Variants in ANKRD11 observed in about 807,000 individuals in gnomAD.
ANKRD11 encodes ankyrin repeat domain-containing protein 11.
Under a neutral mutation model 195.7 loss-of-function variants are expected in ANKRD11, and 17 were observed. The observed-to-expected ratio is 0.09, with a 90% CI of 0.06 to 0.13. The LOEUF (loss-of-function observed/expected upper bound fraction) is 0.13. Ranked by LOEUF, ANKRD11 falls within the 10% of genes least tolerant of loss-of-function variation. ANKRD11 has a pLI of 1.00. For missense variants in ANKRD11, 3,735 were observed against 3,566.1 expected (o/e 1.05, Z -1.21); for synonymous variants, 1,953 against 1,528.1 (o/e 1.28, Z -6.49).
At chr16:89,391,540 C>T (rs970797905) in intron 2 of ANKRD11, among the ~76,000 whole-genome samples, 4 of 152,206 alleles carry the variant, frequency 2.6e-5, no homozygotes, top group African/African-American at 7.2e-5. Context: ...TGTTGACTGT[C>T]GCTGTGGCAT....
chr16:89,468,343 G>A (rs1363424530), intron 1 of ANKRD11, among the ~76,000 whole-genome samples: 1 of 151,990 alleles, frequency 6.6e-6, no homozygotes, highest in Non-Finnish European at 1.5e-5. Context: ...TCATGAGGTC[G>A]GGGGGAAAGT....
At chr16:89,469,715 G>A (rs1157875739) in intron 1 of ANKRD11, among the ~76,000 whole-genome samples, 4 of 149,862 alleles carry the variant, frequency 2.7e-5, no homozygotes, top group South Asian at 2.2e-4. Context: ...TGGCTAACAC[G>A]GTGAAACCCC....
intron 2 of ANKRD11, among the ~76,000 whole-genome samples, chr16:89,343,280 A>AC (rs2038779779): frequency 6.6e-6 from 1 of 152,238 alleles, no homozygotes; most frequent in African/African-American, 2.4e-5. Flanking sequence ...GGTGTGAGCC[A>AC]CCGCACTGGG....
At chr16:89,440,490 C>G (rs1219834899) in intron 1 of ANKRD11, among the ~76,000 whole-genome samples, 1 of 152,082 alleles carries the variant, frequency 6.6e-6, no homozygotes, top group Non-Finnish European at 1.5e-5. Context: ...GAGGTGTGCA[C>G]CTGTAGTCCC....
intron 11 of ANKRD11, 32 bp downstream of exon 11, chr16:89,274,782 A>C (rs774916088): frequency 7.8e-5 from 126 of 1,605,150 alleles, no homozygotes; most frequent in Non-Finnish European, 1.0e-4. Flanking sequence ...AGGCACTTGG[A>C]CTCATGGGCC....
chr16:89,412,978 TGACA>T (rs1202380703), intron 2 of ANKRD11, among the ~76,000 whole-genome samples: 1 of 152,048 alleles, frequency 6.6e-6, no homozygotes, highest in Non-Finnish European at 1.5e-5. Flanking sequence ...GGAAAACAGC[TGACA>T]GCCAGAGCTC....
chr16:89,305,715 CACCTCCCACTCCGCAGACACGCGCCACCT>C (rs1567615338), intron 3 of ANKRD11, among the ~76,000 whole-genome samples: 7 of 20,054 alleles, frequency 3.5e-4, no homozygotes, highest in Non-Finnish European at 9.5e-5. Context: ...AGACACGCGC[CACCTCCCACTCCGCAGACACGCGCCACCT>C]ACCTCCCACT....
intron 4 of ANKRD11, among the ~76,000 whole-genome samples, chr16:89,296,681 A>C (rs1406727849): frequency 6.6e-6 from 1 of 152,212 alleles, no homozygotes; most frequent in Non-Finnish European, 1.5e-5. Flanking sequence ...CTCTCAGAAC[A>C]GCTTTCTTCC....
At chr16:89,310,936 G>A (rs1597581073) in intron 3 of ANKRD11, among the ~76,000 whole-genome samples, 2 of 152,162 alleles carry the variant, frequency 1.3e-5, no homozygotes, top group East Asian at 3.8e-4. Context: ...GATGCTGACT[G>A]CAGTGGAGAT....
At chr16:89,369,972 G>A (rs1478779790) in intron 2 of ANKRD11, among the ~76,000 whole-genome samples, 1 of 152,296 alleles carries the variant, frequency 6.6e-6, no homozygotes, top group South Asian at 2.1e-4. Flanking sequence ...CCAGCTGCAG[G>A]ATGGAAGCTC....
At position 89,390,865 on chromosome 16, in the gene ANKRD11, G is replaced by C. The variant is rs145709790; in HGVS notation, c.-60+27419C>G. On this transcript the variant is annotated intron_variant, in intron 2 of 12. Transcript: ENST00000301030. ...CCGCATCTGACTGTGCATATCCTTT[G>C]CAAAATCCTTTCCACGACACTGGTG... Among the ~76,000 whole-genome samples the C allele has an allele frequency of 5.2e-3, 785 of 152,280 alleles. 6 individuals are homozygous for C. The highest frequency in any genetic ancestry group is 0.018 in the African/African-American group (762 of 41,540).
chr16:89,466,039 C>T (rs2056871057), intron 1 of ANKRD11, among the ~76,000 whole-genome samples: 1 of 152,016 alleles, frequency 6.6e-6, no homozygotes, highest in African/African-American at 2.4e-5. Context: ...GGTCAGGGTG[C>T]CAATCACAAC....
Position 89,398,314 on chromosome 16 carries a change from A to G in ANKRD11, c.-60+19970T>C, listed in dbSNP as rs112829996. Among the ~76,000 whole-genome samples, 860 of 137,372 alleles carry G rather than the reference A, an allele frequency of 6.3e-3. 5 individuals carry two copies. The highest frequency in any genetic ancestry group is 0.025 in the African/African-American group (801 of 31,654). 90.1% of individuals were successfully genotyped at this position (137,372 alleles called of 152,430 possible). ...ACTCTGGGAGGCTGACATGAGGGAC[A>G]CTGTGAAACAGCTGAAGACTACCTG... is the stretch of plus-strand genomic sequence containing the variant. On this transcript the variant is annotated intron_variant, in intron 2 of 12. Transcript: ENST00000301030.
chr16:89,411,038 A>T (rs966656044), intron 2 of ANKRD11, among the ~76,000 whole-genome samples: 1 of 152,102 alleles, frequency 6.6e-6, no homozygotes, highest in African/African-American at 2.4e-5. Flanking sequence ...AGGAGGCAGG[A>T]TCCTGAAGCT....
At chr16:89,415,829 CAAAAA>C (rs71134220) in intron 2 of ANKRD11, among the ~76,000 whole-genome samples, 30 of 39,742 alleles carry the variant, frequency 7.5e-4, no homozygotes, top group South Asian at 1.2e-3. Flanking sequence ...GACTCTGTCT[CAAAAA>C]AAAAAAAAAA....
At chr16:89,328,549 T>A (rs1045147264) in intron 2 of ANKRD11, among the ~76,000 whole-genome samples, 2 of 150,794 alleles carry the variant, frequency 1.3e-5, no homozygotes, top group Admixed American at 6.6e-5. Flanking sequence ...TGGGTGAATC[T>A]GCAGAGGCCC....
chr16:89,302,534 A>G (rs1305741189), intron 4 of ANKRD11, among the ~76,000 whole-genome samples: 1 of 152,150 alleles, frequency 6.6e-6, no homozygotes, highest in East Asian at 1.9e-4. Context: ...TACAGCCGTG[A>G]GCCACCGCGC....
chr16:89,389,750 G>C (rs992879316), intron 2 of ANKRD11, among the ~76,000 whole-genome samples: 2 of 150,046 alleles, frequency 1.3e-5, no homozygotes, highest in African/African-American at 4.9e-5. Flanking sequence ...CGAGTGTGGC[G>C]GGGAGCACCG....
chr16:89,377,943 C>A (rs1382995908), intron 2 of ANKRD11, among the ~76,000 whole-genome samples: 1 of 152,128 alleles, frequency 6.6e-6, no homozygotes, highest in Non-Finnish European at 1.5e-5. Context: ...TCATGATGAC[C>A]CACTTCCACT....
Sources: allele counts gnomAD v4.1 joint callset (sites outside exome capture counted in the v4.1 genomes callset), GRCh38; gene constraint gnomAD v4.1.1; transcripts MANE v1.5; gene names NCBI Gene and HGNC (gene_info 2026-07-23, HGNC 2026-07-21).